Variants in TBC1D19 observed in about 807,000 individuals in gnomAD.
TBC1D19 encodes TBC1 domain family, member 19.
A neutral mutation model predicts 89.0 loss-of-function variants in TBC1D19; 60 were observed. The observed-to-expected ratio is 0.67, with a 90% confidence interval of 0.55 to 0.84. The LOEUF (loss-of-function observed/expected upper bound fraction) is 0.84. Ranked by LOEUF, TBC1D19 falls within the 40% of genes least tolerant of loss-of-function variation. TBC1D19 has a pLI of 0.00. For synonymous variants in TBC1D19, 189 were observed against 199.7 expected (o/e 0.95, Z 0.45); for missense variants, 500 against 610.8 (o/e 0.82, Z 1.91).
the TBC1D19 span, among the ~76,000 whole-genome samples, chr4:26,796,474 CT>C: frequency 6.6e-6 from 1 of 152,088 alleles, no homozygotes; most frequent in African/African-American, 2.4e-5. Context: ...TTCCCAAAAA[CT>C]CTTTATGTTC....
chr4:26,793,369 A>C, the TBC1D19 span, among the ~76,000 whole-genome samples: 2 of 152,210 alleles, frequency 1.3e-5, no homozygotes, highest in East Asian at 3.9e-4. Context: ...CATAACTAGA[A>C]TGTTCAAAGG....
At chr4:26,766,894 C>A in the TBC1D19 span, among the ~76,000 whole-genome samples, 1 of 152,120 alleles carries the variant, frequency 6.6e-6, no homozygotes, top group Non-Finnish European at 1.5e-5. Context: ...AAGAAGAAAT[C>A]TATTCTTATC....
the TBC1D19 span, among the ~76,000 whole-genome samples, chr4:26,840,868 T>A: frequency 6.6e-6 from 1 of 152,178 alleles, no homozygotes; most frequent in African/African-American, 2.4e-5. Flanking sequence ...ACTGCCCTTC[T>A]TCTCACTTCT....
rs189146522 is a variant in TBC1D19 at position 26,638,275 on chromosome 4, A to G, written c.370-496A>G. Among the ~76,000 whole-genome samples, 22 of 151,826 alleles carry G rather than the reference A, an allele frequency of 1.4e-4. 2 individuals are homozygous for G. Among genetic ancestry groups the G allele is most frequent in the African/African-American group, 4.9e-4 (20 of 41,106 alleles). On this transcript the variant is annotated intron_variant, in intron 5 of 20. Transcript: ENST00000264866. Reference sequence around the variant, plus strand: ...GTAGGTATACTTTGGATAATATCCAAGGAAAAATTACTGAAGGCACCAGAA... The same window carrying G: ...GTAGGTATACTTTGGATAATATCCAGGGAAAAATTACTGAAGGCACCAGAA...
chr4:26,702,861 A>G (rs549755550), intron 13 of TBC1D19, among the ~76,000 whole-genome samples: 13 of 152,306 alleles, frequency 8.5e-5, no homozygotes, highest in African/African-American at 3.1e-4. Flanking sequence ...TAGCAGCTCC[A>G]TATTCCCCCT....
chr4:26,837,892 GAGA>G, the TBC1D19 span, among the ~76,000 whole-genome samples: 4 of 152,240 alleles, frequency 2.6e-5, no homozygotes, highest in African/African-American at 9.6e-5. Flanking sequence ...TAAGCCCAGA[GAGA>G]AGGAGATTTT....
chr4:26,612,497 A>G (rs1337414270), intron 1 of TBC1D19, among the ~76,000 whole-genome samples: 2 of 152,062 alleles, frequency 1.3e-5, no homozygotes, highest in Non-Finnish European at 2.9e-5. Flanking sequence ...TCTAATAGAA[A>G]TTCCTTCTGA....
chr4:26,806,070 G>A, the TBC1D19 span, among the ~76,000 whole-genome samples: 6 of 152,146 alleles, frequency 3.9e-5, no homozygotes, highest in African/African-American at 1.4e-4. Context: ...CCTGGCACTG[G>A]CTCCAGCCAC....
chr4:26,857,558 G>A, the TBC1D19 span: 2 of 152,220 alleles, frequency 1.3e-5, no homozygotes, highest in South Asian at 4.1e-4. Flanking sequence ...ACGCCATCTC[G>A]CGGCTGCCGG....
chr4:26,581,974 CTTT>C (rs763498376), upstream of TBC1D19, among the ~76,000 whole-genome samples: 2 of 141,910 alleles, frequency 1.4e-5, no homozygotes, highest in Admixed American at 7.1e-5. Flanking sequence ...GATTAAGGGA[CTTT>C]TTTTTTTTTT....
intron 1 of TBC1D19, among the ~76,000 whole-genome samples, chr4:26,602,364 C>G (rs1740666172): frequency 6.6e-6 from 1 of 150,622 alleles, no homozygotes; most frequent in South Asian, 2.1e-4. Context: ...GGCACAAAAG[C>G]AATGGTGATG....
intron 7 of TBC1D19, among the ~76,000 whole-genome samples, chr4:26,641,261 C>T (rs756828253): frequency 1.1e-4 from 17 of 152,220 alleles, no homozygotes; most frequent in Non-Finnish European, 2.1e-4. Flanking sequence ...CTGCAGCCTC[C>T]GCTGGTGAAA....
At chr4:26,684,845 T>A (rs1194159077) in intron 12 of TBC1D19, among the ~76,000 whole-genome samples, 1 of 152,172 alleles carries the variant, frequency 6.6e-6, no homozygotes, top group East Asian at 1.9e-4. Context: ...CATATAGTAT[T>A]CCAAACCCTT....
At chr4:26,814,049 G>T in the TBC1D19 span, among the ~76,000 whole-genome samples, 1 of 151,974 alleles carries the variant, frequency 6.6e-6, no homozygotes, top group East Asian at 1.9e-4. Context: ...GCAGGCCTCT[G>T]GGCACCTTGA....
chr4:26,827,952 TA>T, the TBC1D19 span, among the ~76,000 whole-genome samples: 1 of 152,126 alleles, frequency 6.6e-6, no homozygotes, highest in African/African-American at 2.4e-5. Context: ...ATACTTAAAA[TA>T]GCTTTGAAAT....
At chr4:26,837,575 G>T in the TBC1D19 span, among the ~76,000 whole-genome samples, 1 of 152,292 alleles carries the variant, frequency 6.6e-6, no homozygotes, top group South Asian at 2.1e-4. Flanking sequence ...TCACATATGT[G>T]ATATCATTTG....
At chr4:26,754,252 A>G (rs1560514625) in intron 20 of TBC1D19, 1 of 194,026 alleles carries the variant, frequency 5.2e-6, no homozygotes, top group African/African-American at 2.3e-5. Flanking sequence ...ATTAAAGAGC[A>G]TGTATTTGGA....
chr4:26,819,274 C>A, the TBC1D19 span, among the ~76,000 whole-genome samples: 1 of 152,170 alleles, frequency 6.6e-6, no homozygotes, highest in Non-Finnish European at 1.5e-5. Context: ...GGGGTGTGAG[C>A]TATCAAGGTA....
At chr4:26,593,579 CA>C (rs1189708159) in intron 1 of TBC1D19, among the ~76,000 whole-genome samples, 2 of 152,126 alleles carry the variant, frequency 1.3e-5, no homozygotes, top group African/African-American at 2.4e-5. Flanking sequence ...AAAATTTTTG[CA>C]ATCTACTCAT....
Sources: gnomAD v4.1 joint callset for allele counts (sites outside exome capture counted in the v4.1 genomes callset) on GRCh38, gnomAD v4.1.1 for gene constraint, MANE v1.5 for transcripts, NCBI Gene and HGNC (gene_info 2026-07-23, HGNC 2026-07-21) for gene names.